Variants in SPOCK1 observed in about 807,000 individuals in gnomAD.
SPOCK1 encodes SPARC (osteonectin), cwcv and kazal like domains proteoglycan 1.
SPOCK1 carries 23 observed loss-of-function variants against 55.3 expected under a neutral mutation model. The observed-to-expected ratio is 0.42, with a 90% CI of 0.30 to 0.59. SPOCK1 has a LOEUF of 0.59. Among genes scored for constraint, SPOCK1 ranks in the 20% least tolerant of loss-of-function variants. SPOCK1 has a pLI of 0.22. For missense variants in SPOCK1, 499 were observed against 552.5 expected (o/e 0.90, Z 0.97); for synonymous variants, 226 against 221.0 (o/e 1.02, Z -0.20).
intron 2 of SPOCK1, among the ~76,000 whole-genome samples, chr5:137,345,747 A>C (rs1355790518): frequency 6.6e-6 from 1 of 152,224 alleles, no homozygotes. Flanking sequence ...AGTATTTTAC[A>C]CATTAAGGTT....
chr5:137,037,304 A>C (rs985395283), intron 6 of SPOCK1, among the ~76,000 whole-genome samples: 1 of 150,856 alleles, frequency 6.6e-6, no homozygotes, highest in Non-Finnish European at 1.5e-5. Flanking sequence ...GCACATAACA[A>C]TGTAGCCCTC....
chr5:137,402,399 T>C (rs947601886), intron 2 of SPOCK1, among the ~76,000 whole-genome samples: 1 of 152,248 alleles, frequency 6.6e-6, no homozygotes, highest in African/African-American at 2.4e-5. Context: ...GACTTTAATT[T>C]AGTCAGCATT....
chr5:137,149,691 G>C (rs1754274521), intron 3 of SPOCK1, among the ~76,000 whole-genome samples: 1 of 152,168 alleles, frequency 6.6e-6, no homozygotes, highest in Non-Finnish European at 1.5e-5. Context: ...TTTTGGTGCT[G>C]ATTATTCTGA....
At chr5:137,274,429 T>C (rs1254916906) in intron 2 of SPOCK1, among the ~76,000 whole-genome samples, 1 of 152,192 alleles carries the variant, frequency 6.6e-6, no homozygotes, top group Non-Finnish European at 1.5e-5. Context: ...TCCGAGTCAA[T>C]TTCTTTATCC....
At chr5:137,095,318 G>A (rs1753125101) in intron 5 of SPOCK1, among the ~76,000 whole-genome samples, 1 of 151,418 alleles carries the variant, frequency 6.6e-6, no homozygotes, top group African/African-American at 2.4e-5. Context: ...GTTTAATGTG[G>A]GTCTGCCACA....
At chr5:137,088,513 T>G (rs1028004230) in intron 5 of SPOCK1, among the ~76,000 whole-genome samples, 2 of 152,176 alleles carry the variant, frequency 1.3e-5, no homozygotes, top group Non-Finnish European at 2.9e-5. Flanking sequence ...ATTATCAGGA[T>G]GCCAAATCTA....
chr5:137,356,284 T>A (rs1205660087), intron 2 of SPOCK1, among the ~76,000 whole-genome samples: 1 of 152,186 alleles, frequency 6.6e-6, no homozygotes, highest in Non-Finnish European at 1.5e-5. Flanking sequence ...GTGAGGTCAA[T>A]TTGTAATTTA....
intron 5 of SPOCK1, among the ~76,000 whole-genome samples, chr5:137,106,709 C>T (rs1466827225): frequency 6.6e-6 from 1 of 152,162 alleles, no homozygotes; most frequent in East Asian, 1.9e-4. Flanking sequence ...AATCCTGCCC[C>T]AACCATGCCC....
At chr5:137,336,885 A>T (rs1264651224) in intron 2 of SPOCK1, among the ~76,000 whole-genome samples, 1 of 152,196 alleles carries the variant, frequency 6.6e-6, no homozygotes, top group Non-Finnish European at 1.5e-5. Flanking sequence ...TTCAAGTGCA[A>T]GTTTCAAAGA....
chr5:137,126,528 C>T (rs552549822), intron 4 of SPOCK1, among the ~76,000 whole-genome samples: 38 of 152,168 alleles, frequency 2.5e-4, no homozygotes, highest in African/African-American at 8.7e-4. Flanking sequence ...TTTGGGAGGC[C>T]AAAGCGGGTG....
chr5:137,458,021 T>C (rs1367963942), intron 2 of SPOCK1, among the ~76,000 whole-genome samples: 1 of 152,202 alleles, frequency 6.6e-6, no homozygotes, highest in Admixed American at 6.5e-5. Flanking sequence ...GAGGTGTCTT[T>C]TAAAGAGAGG....
At chr5:137,385,040 G>A (rs1353599968) in intron 2 of SPOCK1, among the ~76,000 whole-genome samples, 1 of 152,124 alleles carries the variant, frequency 6.6e-6, no homozygotes, top group East Asian at 1.9e-4. Flanking sequence ...GATAATGTCT[G>A]CAGCATGCTT....
At chr5:137,135,779 A>G (rs1321630992) in intron 4 of SPOCK1, among the ~76,000 whole-genome samples, 1 of 152,180 alleles carries the variant, frequency 6.6e-6, no homozygotes, top group African/African-American at 2.4e-5. Context: ...ACCCTGCCTA[A>G]TTATTATCAG....
rs116451725 is a variant in SPOCK1, at chr5:137,086,552, C to T, written c.475-18723G>A. 4.6e-3 allele frequency among the ~76,000 whole-genome samples: 703 copies of T among 152,290 alleles called. 3 individuals are homozygous for T. The highest frequency in any genetic ancestry group is 0.016 in the African/African-American group (652 of 41,578). ...GTACAGAACCCAAATTGAATAAAGG[C>T]CTTCTCGGGAGGTGGCTGGCTGGGG... On this transcript the variant is annotated intron_variant, in intron 5 of 10. Transcript: ENST00000394945.
At chr5:137,144,763 G>C (rs1406987495) in intron 3 of SPOCK1, among the ~76,000 whole-genome samples, 1 of 152,218 alleles carries the variant, frequency 6.6e-6, no homozygotes, top group South Asian at 2.1e-4. Flanking sequence ...AATAATAAGT[G>C]GCATTTGAGA....
intron 4 of SPOCK1, among the ~76,000 whole-genome samples, chr5:137,126,639 G>A (rs951277660): frequency 6.6e-6 from 1 of 152,170 alleles, no homozygotes; most frequent in African/African-American, 2.4e-5. Context: ...GTGCATGCCT[G>A]TAATCCAAGC....
chr5:137,241,919 GA>G, intron 3 of SPOCK1, among the ~76,000 whole-genome samples: 1 of 152,284 alleles, frequency 6.6e-6, no homozygotes, highest in Non-Finnish European at 1.5e-5. Context: ...CCTCTTCTGG[GA>G]ATTCAGCATA....
At chr5:137,121,950 TTA>T (rs10645733) in intron 4 of SPOCK1, among the ~76,000 whole-genome samples, 24 of 145,430 alleles carry the variant, frequency 1.7e-4, no homozygotes, top group Non-Finnish European at 2.0e-4. Flanking sequence ...TTATATATGA[TTA>T]TATATATATA....
At chr5:137,141,604 A>G (rs915993170) in intron 3 of SPOCK1, among the ~76,000 whole-genome samples, 1 of 152,250 alleles carries the variant, frequency 6.6e-6, no homozygotes, top group Non-Finnish European at 1.5e-5. Context: ...ATATAAAATG[A>G]TAACAGAGCC....
Sources: allele counts gnomAD v4.1 joint callset (sites outside exome capture counted in the v4.1 genomes callset), GRCh38; gene constraint gnomAD v4.1.1; transcripts MANE v1.5; gene names NCBI Gene and HGNC (gene_info 2026-07-23, HGNC 2026-07-21).